The following TMEFF2 variants were observed in gnomAD, a reference collection of about 807,000 sequenced individuals.
The protein encoded by TMEFF2 is tomoregulin-2.
TMEFF2 carries 28 observed loss-of-function variants against 53.8 expected under a neutral mutation model. That is an observed-to-expected ratio of 0.52 (90% CI 0.39 to 0.71). The LOEUF (loss-of-function observed/expected upper bound fraction) is 0.71. TMEFF2 is among the 30% of genes least tolerant of loss of function. The probability of loss-of-function intolerance (pLI) is 0.00; values close to 1 mark genes in which losing one functional copy is unlikely to be tolerated. For synonymous variants in TMEFF2, 162 were observed against 166.3 expected (o/e 0.97, Z 0.20); for missense variants, 353 against 455.2 (o/e 0.78, Z 2.04).
intron 8 of TMEFF2, among the ~76,000 whole-genome samples, 164 bp downstream of exon 8, chr2:191,956,087 TGTGA>T (rs1432070600): frequency 6.6e-5 from 10 of 151,568 alleles, no homozygotes; most frequent in Admixed American, 4.0e-4. Flanking sequence ...TTTTTTAGTG[TGTGA>T]GTATGTGTGT....
intron 1 of TMEFF2, among the ~76,000 whole-genome samples, chr2:192,193,372 A>G (rs756710320): frequency 2.0e-4 from 30 of 152,200 alleles, no homozygotes; most frequent in Non-Finnish European, 3.8e-4. Context: ...ATGCTATGCC[A>G]GCTAGGAGTG....
At chr2:192,147,585 G>T (rs1235256244) in intron 4 of TMEFF2, among the ~76,000 whole-genome samples, 3 of 151,892 alleles carry the variant, frequency 2.0e-5, no homozygotes, top group Admixed American at 6.6e-5. Context: ...GCAGTGTTTG[G>T]TTTTTTGTCC....
At chr2:192,097,880 T>C (rs1688951160) in intron 4 of TMEFF2, among the ~76,000 whole-genome samples, 1 of 152,168 alleles carries the variant, frequency 6.6e-6, no homozygotes, top group African/African-American at 2.4e-5. Flanking sequence ...TAATATCACA[T>C]TTACACTTGG....
In TMEFF2 at chr2:192,057,643, A is replaced by G. The variant is rs199755921; in HGVS notation, c.536+36T>C. 3.3e-6 allele frequency: 5 copies of G among 1,538,082 alleles called. No homozygotes were observed. In the Admixed American group the frequency reaches 5.0e-5, roughly 15 times the overall value. ...TGTTAAAAAGAAATTAATCACTGTC[A>G]TTATTTTGTCTAAAAGAATAAAAAC... On this transcript the variant is annotated intron_variant, in intron 5 of 9. Coordinates refer to ENST00000272771, the MANE Select transcript of TMEFF2 (RefSeq NM_016192.4).
chr2:192,164,523 A>G (rs1215722117), intron 4 of TMEFF2, among the ~76,000 whole-genome samples: 2 of 151,982 alleles, frequency 1.3e-5, no homozygotes, highest in Non-Finnish European at 2.9e-5. Flanking sequence ...AGGTCAGGAG[A>G]TCAAGACCAT....
intron 4 of TMEFF2, among the ~76,000 whole-genome samples, chr2:192,091,688 GTTT>G (rs144246685): frequency 6.7e-6 from 1 of 148,562 alleles, no homozygotes; most frequent in South Asian, 2.2e-4. Context: ...AGTAAGATTA[GTTT>G]TTTTTTTCAA....
At chr2:192,178,295 CCTTTTTTCCTGT>C (rs1559159274) in intron 4 of TMEFF2, 1 of 150,514 alleles carries the variant, frequency 6.6e-6, no homozygotes, top group African/African-American at 2.4e-5. Context: ...AAAGGAACTG[CCTTTTTTCCTGT>C]CTTTTTTTTT....
At chr2:192,062,249 A>C (rs1688062250) in intron 4 of TMEFF2, among the ~76,000 whole-genome samples, 2 of 152,170 alleles carry the variant, frequency 1.3e-5, no homozygotes, top group Admixed American at 1.3e-4. Flanking sequence ...GGAATAATTC[A>C]ATATGTAATT....
chr2:192,154,314 G>C (rs1008810049), intron 4 of TMEFF2, among the ~76,000 whole-genome samples: 2 of 152,002 alleles, frequency 1.3e-5, no homozygotes, highest in Non-Finnish European at 2.9e-5. Flanking sequence ...GTGTGTGATA[G>C]AGCTTTGTAT....
At chr2:192,067,092 A>G (rs1020501163) in intron 4 of TMEFF2, among the ~76,000 whole-genome samples, 1 of 151,894 alleles carries the variant, frequency 6.6e-6, no homozygotes, top group South Asian at 2.1e-4. Context: ...ATACTTTTGC[A>G]AGATTTGCTA....
At chr2:192,032,294 T>A (rs1025763031) in intron 5 of TMEFF2, 1 of 152,226 alleles carries the variant, frequency 6.6e-6, no homozygotes, top group African/African-American at 2.4e-5. Flanking sequence ...AGCCTAGTGA[T>A]GGTTTTCCTT....
chr2:192,055,774 C>CAAAAAAAAAA (rs71405038), intron 5 of TMEFF2, among the ~76,000 whole-genome samples: 1 of 42,496 alleles, frequency 2.4e-5, no homozygotes, highest in African/African-American at 8.1e-5. Flanking sequence ...GACTCCATCT[C>CAAAAAAAAAA]AAAAAAAAAA....
intron 4 of TMEFF2, among the ~76,000 whole-genome samples, chr2:192,150,292 C>T (rs1690353614): frequency 6.6e-6 from 1 of 151,688 alleles, no homozygotes; most frequent in Admixed American, 6.6e-5. Flanking sequence ...GACAAAAGAA[C>T]AGAAGGAAAC....
Position 192,179,704 on chromosome 2 carries a change from GA to G in TMEFF2, c.413-11del, listed in dbSNP as rs543814043. 989 of 1,512,970 alleles carry G rather than the reference GA, an allele frequency of 6.5e-4. 14 individuals are homozygous for G. In the African/African-American group the frequency reaches 0.012, roughly 18 times the overall value. 93.7% of individuals were successfully genotyped at this position (1,512,970 alleles called of 1,614,324 possible). On this transcript the variant is annotated splice_polypyrimidine_tract_variant and intron_variant, in intron 3 of 9. Coordinates refer to ENST00000272771, the MANE Select transcript of TMEFF2 (RefSeq NM_016192.4). The stretch of plus-strand genomic sequence containing the variant: ...GATCCTGATCCTGCATCTGTGGGGG[GA>G]AAAGTTATATTTGCTAGTAAAACAT...
chr2:192,142,165 G>A (rs1209024203), intron 4 of TMEFF2, among the ~76,000 whole-genome samples: 2 of 152,064 alleles, frequency 1.3e-5, no homozygotes, highest in African/African-American at 2.4e-5. Context: ...TTAAAATGTA[G>A]TTTGTAAATT....
intron 4 of TMEFF2, among the ~76,000 whole-genome samples, chr2:192,163,806 C>G (rs146255179): frequency 6.6e-6 from 1 of 152,162 alleles, no homozygotes; most frequent in African/African-American, 2.4e-5. Flanking sequence ...GAGAACTTGG[C>G]GAGTGCTAAA....
intron 9 of TMEFF2, among the ~76,000 whole-genome samples, chr2:191,953,201 C>G (rs900309178): frequency 2.0e-5 from 3 of 152,166 alleles, no homozygotes; most frequent in Admixed American, 6.5e-5. Flanking sequence ...AAACAATTAC[C>G]TTTTGATTAG....
intron 4 of TMEFF2, among the ~76,000 whole-genome samples, chr2:192,098,762 C>G (rs914871069): frequency 6.6e-6 from 1 of 152,162 alleles, no homozygotes; most frequent in African/African-American, 2.4e-5. Context: ...TGGCTAAAAG[C>G]ACATCTTTGC....
chr2:191,996,901 G>A, intron 7 of TMEFF2, among the ~76,000 whole-genome samples: 1 of 151,720 alleles, frequency 6.6e-6, no homozygotes, highest in East Asian at 1.9e-4. Flanking sequence ...TGAATGATGA[G>A]TACTTGTGGG....
Sources: gnomAD v4.1 joint callset for allele counts (sites outside exome capture counted in the v4.1 genomes callset) on GRCh38, gnomAD v4.1.1 for gene constraint, MANE v1.5 for transcripts, NCBI Gene and HGNC (gene_info 2026-07-23, HGNC 2026-07-21) for gene names.